FBXO4: variants seen among roughly 807,000 people sequenced by gnomAD.
FBXO4 encodes the protein F-box only protein 4.
A neutral mutation model predicts 43.7 loss-of-function variants in FBXO4; 36 were observed. The ratio of observed to expected loss-of-function variants is 0.82; its 90% CI spans 0.63 to 1.09. The LOEUF is 1.09. Among genes scored for constraint, FBXO4 ranks in the 50% least tolerant of loss-of-function variants. The pLI is 0.00. For synonymous variants in FBXO4, 180 were observed against 165.6 expected (o/e 1.09, Z -0.67); for missense variants, 435 against 474.1 (o/e 0.92, Z 0.77).
At chr5:41,949,689 T>G in the FBXO4 span, among the ~76,000 whole-genome samples, 1 of 152,200 alleles carries the variant, frequency 6.6e-6, no homozygotes, top group African/African-American at 2.4e-5. Context: ...ACCATCGACT[T>G]TCTTCACAGA....
the FBXO4 span, among the ~76,000 whole-genome samples, chr5:42,019,546 G>A: frequency 6.6e-6 from 1 of 151,812 alleles, no homozygotes; most frequent in Admixed American, 6.6e-5. Context: ...AAATTAGTTG[G>A]GTGTGGTGGC....
At chr5:42,004,765 G>A in the FBXO4 span, among the ~76,000 whole-genome samples, 2 of 152,082 alleles carry the variant, frequency 1.3e-5, no homozygotes, top group Non-Finnish European at 2.9e-5. Context: ...AAGTTTCTAC[G>A]CTTCAAATTC....
At chr5:41,939,746 G>A in intron 6 of FBXO4, 130 bp downstream of exon 6, 3 of 657,606 alleles carry the variant, frequency 4.6e-6, no homozygotes, top group Non-Finnish European at 7.2e-6. Context: ...TTAATCTATG[G>A]AAGCTATTTG....
chr5:41,970,886 A>G, the FBXO4 span, among the ~76,000 whole-genome samples: 1 of 152,058 alleles, frequency 6.6e-6, no homozygotes, highest in Non-Finnish European at 1.5e-5. Context: ...CAAAGCAACC[A>G]GACAAATTCA....
the FBXO4 span, among the ~76,000 whole-genome samples, chr5:41,993,070 G>T: frequency 6.6e-6 from 1 of 152,106 alleles, no homozygotes; most frequent in Non-Finnish European, 1.5e-5. Context: ...TTAATAGACT[G>T]AAGTATTACT....
At chr5:42,032,157 A>ACTGTGT in the FBXO4 span, among the ~76,000 whole-genome samples, 1 of 150,404 alleles carries the variant, frequency 6.6e-6, no homozygotes, top group African/African-American at 2.5e-5. Context: ...GCCCACTACC[A>ACTGTGT]CTGTGTCTGT....
At chr5:41,983,703 A>G in the FBXO4 span, among the ~76,000 whole-genome samples, 1 of 151,978 alleles carries the variant, frequency 6.6e-6, no homozygotes, top group Non-Finnish European at 1.5e-5. Context: ...AGCCATTGCA[A>G]TTGCTATGTC....
intron 5 of FBXO4, among the ~76,000 whole-genome samples, chr5:41,937,335 A>T (rs982178279): frequency 3.3e-5 from 5 of 152,226 alleles, no homozygotes; most frequent in Non-Finnish European, 7.3e-5. Flanking sequence ...TTCCTGTCAG[A>T]ATTGCTGCAG....
chr5:41,936,149 C>T (rs1360100284), intron 5 of FBXO4, among the ~76,000 whole-genome samples: 1 of 152,166 alleles, frequency 6.6e-6, no homozygotes, highest in East Asian at 1.9e-4. Flanking sequence ...ATGAGACACT[C>T]ACAAAATCAA....
the FBXO4 span, among the ~76,000 whole-genome samples, chr5:42,031,387 C>G: frequency 2.1e-5 from 3 of 144,370 alleles, no homozygotes; most frequent in Admixed American, 2.2e-4. Flanking sequence ...CATGTTCTCA[C>G]TCATAGGTGG....
chr5:41,930,043 GC>G, intron 3 of FBXO4, 126 bp downstream of exon 3: 3 of 729,224 alleles, frequency 4.1e-6, no homozygotes, highest in Non-Finnish European at 6.6e-6. Flanking sequence ...GTTGTTGGGA[GC>G]CCTACCAGGT....
the FBXO4 span, among the ~76,000 whole-genome samples, chr5:41,990,372 C>G: frequency 2.0e-5 from 3 of 152,136 alleles, no homozygotes; most frequent in Non-Finnish European, 2.9e-5. Context: ...ATAGTCATTG[C>G]TTTATGGAAT....
At chr5:42,020,394 A>G in the FBXO4 span, among the ~76,000 whole-genome samples, 1 of 152,190 alleles carries the variant, frequency 6.6e-6, no homozygotes, top group African/African-American at 2.4e-5. Context: ...TTAGAAAACA[A>G]AATAATTTCT....
the FBXO4 span, among the ~76,000 whole-genome samples, chr5:42,031,932 T>C: frequency 1.3e-5 from 2 of 152,110 alleles, no homozygotes; most frequent in African/African-American, 4.8e-5. Context: ...TGCAGACTTG[T>C]AGAGGTACCA....
At chr5:41,973,470 G>A in the FBXO4 span, among the ~76,000 whole-genome samples, 1 of 152,092 alleles carries the variant, frequency 6.6e-6, no homozygotes, top group African/African-American at 2.4e-5. Flanking sequence ...TGAGCCCAGG[G>A]GTTTGAGACC....
the FBXO4 span, among the ~76,000 whole-genome samples, chr5:41,987,578 C>T: frequency 6.6e-6 from 1 of 152,186 alleles, no homozygotes; most frequent in South Asian, 2.1e-4. Flanking sequence ...GAAATTTACA[C>T]AAGCCTGCGT....
chr5:41,937,348 T>G (rs371720686), intron 5 of FBXO4, among the ~76,000 whole-genome samples: 1 of 152,142 alleles, frequency 6.6e-6, no homozygotes, highest in African/African-American at 2.4e-5. Flanking sequence ...TGCTGCAGGA[T>G]AGAAACCAAT....
chr5:41,992,676 TA>T, the FBXO4 span, among the ~76,000 whole-genome samples: 1 of 152,234 alleles, frequency 6.6e-6, no homozygotes, highest in East Asian at 1.9e-4. Flanking sequence ...ATTGGGGAGA[TA>T]TTTTTAGATT....
the FBXO4 span, among the ~76,000 whole-genome samples, chr5:41,996,464 C>A: frequency 3.3e-5 from 5 of 152,196 alleles, no homozygotes; most frequent in Admixed American, 6.5e-5. Context: ...TGGGGTCCTG[C>A]AAAGGCTCCA....
Sources: allele counts gnomAD v4.1 joint callset (sites outside exome capture counted in the v4.1 genomes callset), GRCh38; gene constraint gnomAD v4.1.1; transcripts MANE v1.5; gene names NCBI Gene and HGNC (gene_info 2026-07-23, HGNC 2026-07-21).